The following IFT57 variants were observed in gnomAD, a reference collection of about 807,000 sequenced individuals.
The protein encoded by IFT57 is intraflagellar transport protein 57 homolog.
IFT57 carries 59 observed loss-of-function variants against 56.8 expected under a neutral mutation model. The ratio of observed to expected loss-of-function variants is 1.04; its 90% CI spans 0.84 to 1.29. IFT57 has a LOEUF of 1.29. Among genes scored for constraint, IFT57 ranks in the 50% most tolerant of loss-of-function variants. The probability of loss-of-function intolerance (pLI) is 0.00; values close to 1 mark genes in which losing one functional copy is unlikely to be tolerated. For synonymous variants in IFT57, 209 were observed against 186.1 expected, an observed-to-expected ratio of 1.12 and a Z score of -1.00; for missense variants, 470 against 522.1, an observed-to-expected ratio of 0.90 and a Z score of 0.97.
chr3:108,169,172 T>C (rs1170434487), intron 6 of IFT57, among the ~76,000 whole-genome samples: 2 of 151,994 alleles, frequency 1.3e-5, no homozygotes, highest in East Asian at 3.9e-4. Context: ...CCAGACTTTT[T>C]TGATCACCAC....
intron 6 of IFT57, among the ~76,000 whole-genome samples, chr3:108,181,435 C>A (rs1199228913): frequency 1.3e-5 from 2 of 151,976 alleles, no homozygotes; most frequent in Admixed American, 1.3e-4. Context: ...AATACAACAG[C>A]CCAAAACAAC....
rs1310976350 is a variant in IFT57 at position 108,162,485 on chromosome 3, A to T, written c.1282T>A (p.Phe428Ile). Residue 428 changes from phenylalanine to isoleucine, a missense_variant, in exon 11 of 11, where the codon TTT becomes ATT. Transcript: ENST00000264538. Reference protein sequence around the residue: ...ATVIPEPATGFY With the variant: ...ATVIPEPATGIY The stretch of plus-strand genomic sequence containing the variant: ...ATGAAAACCAGTATGTTTTAATAAA[A>T]GCCTGTTGCTGGTTCTGGAATAACT... 6.3e-7 allele frequency: 1 copy of T among 1,596,514 alleles called. No individual in the cohort carries two copies. Among genetic ancestry groups the T allele is most frequent in the East Asian group, 2.2e-5 (1 of 44,584 alleles).
chr3:108,187,349 A>C (rs1247069044), intron 6 of IFT57, among the ~76,000 whole-genome samples: 1 of 152,128 alleles, frequency 6.6e-6, no homozygotes, highest in Non-Finnish European at 1.5e-5. Context: ...AGCAATAAAA[A>C]CCTTGTTGCA....
chr3:108,203,861 T>TA (rs1299014562), intron 5 of IFT57, among the ~76,000 whole-genome samples: 1 of 152,198 alleles, frequency 6.6e-6, no homozygotes, highest in Non-Finnish European at 1.5e-5. Context: ...CTTATTGTTT[T>TA]AAAACCATAG....
chr3:108,171,789 T>C (rs1327617786), intron 6 of IFT57, among the ~76,000 whole-genome samples: 2 of 151,772 alleles, frequency 1.3e-5, no homozygotes, highest in African/African-American at 4.8e-5. Flanking sequence ...CATTATATTA[T>C]CATTAATTTT....
chr3:108,218,592 T>C lies in IFT57; in HGVS notation c.437A>G (p.Tyr146Cys), dbSNP rs574081689. 8 of 1,572,774 alleles carry C rather than the reference T, an allele frequency of 5.1e-6. No homozygotes were observed. The Admixed American group carries it at 7.8e-5, about 15-fold the overall frequency. Reference sequence around the variant, plus strand: ...TTCTTCAGCGAAGCAATCAAGAACATAGCATACATGTTCTCCATAACCTGA... The same window carrying C: ...TTCTTCAGCGAAGCAATCAAGAACACAGCATACATGTTCTCCATAACCTGA... ...LKSGYGEHVC[Y>C]VLDCFAEEAL... The change falls in exon 3 of 11, where the codon TAT becomes TGT. Residue 146 changes from tyrosine (Y) to cysteine (C), a missense_variant. Physicochemically the swap from Tyr to Cys is radical, Grantham distance 194. Coordinates refer to ENST00000264538, the MANE Select transcript of IFT57 (RefSeq NM_018010.4).
At chr3:108,217,549 G>A (rs2080379448) in intron 3 of IFT57, among the ~76,000 whole-genome samples, 1 of 151,836 alleles carries the variant, frequency 6.6e-6, no homozygotes, top group South Asian at 2.1e-4. Flanking sequence ...AGATGAATAT[G>A]AGTAATTTCA....
rs59233165 is a variant in IFT57, at chr3:108,173,766, C to CTGTGTGTGTG, written c.778-5912_778-5903dup. Among the ~76,000 whole-genome samples, 974 of 124,656 alleles carry CTGTGTGTGTG rather than the reference C, an allele frequency of 7.8e-3. 12 individuals carry two copies. Among genetic ancestry groups the CTGTGTGTGTG allele is most frequent in the African/African-American group, 0.022 (719 of 33,112 alleles). 81.8% of individuals were successfully genotyped at this position (124,656 alleles called of 152,430 possible). A position where few individuals can be genotyped will look rare whatever the true frequency, so the allele number is the denominator to read the frequency against. ...GTTGAACCATGGTAAGTCAGGGACT[C>CTGTGTGTGTG]TGTGTGTGTGTGTGTGTGTGTGTGT... On this transcript the variant is annotated intron_variant, in intron 6 of 10. Transcript: ENST00000264538.
intron 1 of IFT57, 91 bp downstream of exon 1, chr3:108,222,020 G>A (rs1262853485): frequency 1.4e-5 from 22 of 1,522,374 alleles, no homozygotes; most frequent in Non-Finnish European, 1.9e-5. Context: ...TTGCTAACCC[G>A]CTCTCACGAA....
chr3:108,195,111 A>C (rs1481855868), intron 5 of IFT57, among the ~76,000 whole-genome samples: 2 of 152,162 alleles, frequency 1.3e-5, no homozygotes, highest in Admixed American at 1.3e-4. Context: ...AGAAGTTCAA[A>C]CAACTCAGTA....
chr3:108,216,634 T>G (rs2080374494), intron 3 of IFT57, among the ~76,000 whole-genome samples: 1 of 152,184 alleles, frequency 6.6e-6, no homozygotes, highest in Admixed American at 6.5e-5. Flanking sequence ...TGATGATATA[T>G]CCAAAAGAAA....
At chr3:108,191,388 A>G (rs2108317586) in intron 6 of IFT57, 133 bp downstream of exon 6, 1 of 529,102 alleles carries the variant, frequency 1.9e-6, no homozygotes. Context: ...TTAAATCCTT[A>G]TTAAGACAAA....
intron 5 of IFT57, among the ~76,000 whole-genome samples, chr3:108,201,965 T>C (rs1244363350): frequency 6.6e-6 from 1 of 152,200 alleles, no homozygotes; most frequent in African/African-American, 2.4e-5. Flanking sequence ...GTATAATGAA[T>C]TTCTTGCTAA....
At chr3:108,197,564 A>T (rs955306144) in intron 5 of IFT57, among the ~76,000 whole-genome samples, 6 of 152,234 alleles carry the variant, frequency 3.9e-5, no homozygotes. Flanking sequence ...CAAGCATCAA[A>T]GAAAGGCTAT....
At chr3:108,197,244 G>A (rs1224205268) in intron 5 of IFT57, among the ~76,000 whole-genome samples, 1 of 152,126 alleles carries the variant, frequency 6.6e-6, no homozygotes, top group Non-Finnish European at 1.5e-5. Flanking sequence ...CAACATTCAA[G>A]GTAAGAATTC....
In IFT57 at chr3:108,206,655, G is replaced by C. The variant is rs114028841; in HGVS notation, c.627C>G (p.Asn209Lys). The C allele has an allele frequency of 1.4e-6, 2 of 1,397,144 alleles. No homozygotes were observed. The highest frequency in any genetic ancestry group is 1.9e-6 in the Non-Finnish European group (2 of 1,051,744). 86.5% of individuals were successfully genotyped at this position (1,397,144 alleles called of 1,614,324 possible). A position where few individuals can be genotyped will look rare whatever the true frequency, so the allele number is the denominator to read the frequency against. ...AGTGATATGTCTGGGCCTTTAAAACGTTGAGATCAATAAAGTTTTCTTCAT... is the reference window on the plus strand; with the variant it reads ...AGTGATATGTCTGGGCCTTTAAAACCTTGAGATCAATAAAGTTTTCTTCAT... Reference protein sequence around the residue: ...TDNEENFIDLNVLKAQTYHLD... With the variant: ...TDNEENFIDLKVLKAQTYHLD... Residue 209 changes from asparagine (N) to lysine (K), a missense_variant, in exon 5 of 11, where the codon AAC becomes AAG. Asn to Lys is a moderately conservative substitution (Grantham distance 94). Transcript: ENST00000264538.
At chr3:108,194,564 T>A (rs905499564) in intron 5 of IFT57, among the ~76,000 whole-genome samples, 6 of 152,024 alleles carry the variant, frequency 3.9e-5, no homozygotes, top group African/African-American at 1.4e-4. Context: ...AAAGCTGGAA[T>A]CATTGCATTA....
intron 7 of IFT57, 45 bp from the exon 8 acceptor site, chr3:108,167,030 A>G: frequency 6.5e-7 from 1 of 1,549,820 alleles, no homozygotes; most frequent in Non-Finnish European, 8.8e-7. Context: ...TCACAAACAT[A>G]TTTTTTCAAA....
chr3:108,217,273 C>T (rs892269647), intron 3 of IFT57, among the ~76,000 whole-genome samples: 1 of 151,940 alleles, frequency 6.6e-6, no homozygotes, highest in Admixed American at 6.6e-5. Flanking sequence ...ATACAGAGGC[C>T]AGGAATAAGA....
Sources: allele counts gnomAD v4.1 joint callset (sites outside exome capture counted in the v4.1 genomes callset), GRCh38; gene constraint gnomAD v4.1.1; transcripts MANE v1.5; gene names NCBI Gene and HGNC (gene_info 2026-07-23, HGNC 2026-07-21).